The following CYP26A1 variants were observed in gnomAD, a reference collection of about 807,000 sequenced individuals.
The protein encoded by CYP26A1 is cytochrome P450 family 26 subfamily A member 1.
Under a neutral mutation model 47.4 loss-of-function variants are expected in CYP26A1, and 46 were observed. The ratio of observed to expected loss-of-function variants is 0.97; its 90% confidence interval spans 0.77 to 1.24. The LOEUF (loss-of-function observed/expected upper bound fraction) is 1.24, where lower values mean the gene tolerates loss of function less well. CYP26A1 is among the 50% of genes most tolerant of loss of function. The pLI is 0.00. For synonymous variants in CYP26A1, 277 were observed against 263.7 expected, an observed-to-expected ratio of 1.05 and a Z score of -0.49; for missense variants, 680 against 644.4, an observed-to-expected ratio of 1.06 and a Z score of -0.60.
Position 93,073,929 on chromosome 10 carries a change from C to T in CYP26A1, c.-6C>T, listed in dbSNP as rs765424114. 2.2e-6 allele frequency: 2 copies of T among 925,560 alleles called. No individual in the cohort carries two copies. The highest frequency in any genetic ancestry group is 1.3e-5 in the South Asian group (1 of 74,630). The allele number at this position is 925,560 out of a possible 1,614,324, so 57.3% of individuals were successfully genotyped here. ...CGGCAGGTGGCGCGGGAGGTCGCGGCGCGCCATGGGGCTCCCGGCGCTGCT... is the reference window on the plus strand; with the variant it reads ...CGGCAGGTGGCGCGGGAGGTCGCGGTGCGCCATGGGGCTCCCGGCGCTGCT... On this transcript the variant is annotated 5_prime_UTR_variant, in exon 1 of 7. Coordinates refer to ENST00000224356, the MANE Select transcript of CYP26A1 (RefSeq NM_000783.4).
rs774249618 is a variant in CYP26A1, at chr10:93,074,262, C to T, written c.190-46C>T. 4.6e-6 allele frequency: 7 copies of T among 1,511,240 alleles called. No individual in the cohort carries two copies. Among genetic ancestry groups the T allele is most frequent in the Middle Eastern group, 2.1e-4 (1 of 4,674 alleles). The allele number at this position is 1,511,240 out of a possible 1,614,324, so 93.6% of individuals were successfully genotyped here. The stretch of plus-strand genomic sequence containing the variant: ...GGGCTGGCGGGAGCGCGGCGCTCCC[C>T]GGCGCCCCCTCATGCCCACTTCTCT... On this transcript the variant is annotated intron_variant, in intron 1 of 6. Transcript: ENST00000224356. This position sits in a 1 kb window ranked among gnomAD's most constrained non-coding sequence, Gnocchi z 5.3.
rs749535473 is a variant in CYP26A1 at position 93,075,205 on chromosome 10, G to T, written c.762G>T (p.Lys254Asn). 4 of 1,613,954 alleles carry T rather than the reference G, an allele frequency of 2.5e-6. No homozygotes were observed. In the South Asian group the frequency reaches 3.3e-5, roughly 13 times the overall value. ...GCATCGAGCAGAACATTCGCGCCAA[G>T]ATCTGCGGGCTGCGGGCATCCGAGG... is the stretch of plus-strand genomic sequence containing the variant. Reference protein sequence around the residue: ...HARIEQNIRAKICGLRASEAG... With the variant: ...HARIEQNIRANICGLRASEAG... The change falls in exon 4 of 7, where the codon AAG (lysine) becomes AAT (asparagine). Residue 254 changes from lysine (K) to asparagine (N), a missense_variant. Lys to Asn is a moderately conservative substitution (Grantham distance 94). Transcript: ENST00000224356.
At position 93,076,540 on chromosome 10, in the gene CYP26A1, A is replaced by G. The variant is rs368959354; in HGVS notation, c.1000-4A>G. 9 of 1,599,548 alleles carry G rather than the reference A, an allele frequency of 5.6e-6. No individual in the cohort carries two copies. The African/African-American group carries it at 9.4e-5, about 17-fold the overall frequency. ...TGTTCACCTCTGTATGACTGTTTTG[A>G]TAGGGTTTACTTTGCAAGAGCAATC... On this transcript the variant is annotated splice_region_variant and splice_polypyrimidine_tract_variant and intron_variant, in intron 5 of 6. Transcript: ENST00000224356.
At position 93,075,306 on chromosome 10, in the gene CYP26A1, A is replaced by G. The variant is rs1221238657; in HGVS notation, c.863A>G (p.Gln288Arg). 1.2e-6 allele frequency: 2 copies of G among 1,613,312 alleles called. No homozygotes were observed. The highest frequency in any genetic ancestry group is 1.7e-6 in the Non-Finnish European group (2 of 1,179,492). ...GAGAGGGGAGAGCGGCTGGACATGC[A>G]GGTGAGTAGCAGCTTCAGACCAGGC... ...SWERGERLDM[Q>R]ALKQSSTELL... Residue 288 changes from glutamine to arginine, a missense_variant and splice_region_variant, in exon 4 of 7, where the codon CAG (glutamine) becomes CGG (arginine). Coordinates refer to ENST00000224356, the MANE Select transcript of CYP26A1 (RefSeq NM_000783.4).
At position 93,074,439 on chromosome 10, in the gene CYP26A1, G is replaced by A. The variant is rs966627003; in HGVS notation, c.321G>A (p.Leu107=). 2 of 1,611,252 alleles carry A rather than the reference G, an allele frequency of 1.2e-6. No homozygotes were observed. The highest frequency in any genetic ancestry group is 1.7e-6 in the Non-Finnish European group (2 of 1,178,290). The stretch of plus-strand genomic sequence containing the variant: ...GCATCTTGCTCGGAGAGCACCGGCT[G>A]GTGTCGGTCCACTGGCCAGCGTCGG... ...VRRILLGEHR[L]VSVHWPASVR... The change falls in exon 2 of 7, where the codon CTG becomes CTA. Residue 107 remains leucine (L), a synonymous_variant. Coordinates refer to ENST00000224356, the MANE Select transcript of CYP26A1 (RefSeq NM_000783.4). The surrounding 1 kb of genome is among the most constrained non-coding windows in gnomAD (Gnocchi z 5.3).
At chr10:93,073,759 G>T (rs1373979197), upstream of CYP26A1, 9 of 568,036 alleles carry the variant, frequency 1.6e-5, no homozygotes, top group African/African-American at 1.8e-4. Context: ...TTTGGGCAGC[G>T]CCTCGCGGGG....
Position 93,073,924 on chromosome 10 carries a change from C to A in CYP26A1, c.-11C>A, listed in dbSNP as rs768789678. 5 of 891,858 alleles carry A rather than the reference C, an allele frequency of 5.6e-6. No individual in the cohort carries two copies. The highest frequency in any genetic ancestry group is 9.1e-6 in the Non-Finnish European group (5 of 547,786). 55.2% of individuals were successfully genotyped at this position (891,858 alleles called of 1,614,324 possible). A position where few individuals can be genotyped will look rare whatever the true frequency, so the allele number is the denominator to read the frequency against. On this transcript the variant is annotated 5_prime_UTR_variant, in exon 1 of 7. Coordinates refer to ENST00000224356, the MANE Select transcript of CYP26A1 (RefSeq NM_000783.4). ...GGCGGCGGCAGGTGGCGCGGGAGGT[C>A]GCGGCGCGCCATGGGGCTCCCGGCG...
In CYP26A1 at chr10:93,075,067, C is replaced by T. The variant is rs748429860; in HGVS notation, c.703C>T (p.Arg235Trp). Residue 235 changes from arginine to tryptophan, a missense_variant and splice_region_variant, in exon 3 of 7, where the codon CGG becomes TGG. Physicochemically the swap from Arg to Trp is moderately radical, Grantham distance 101 (BLOSUM62 -3). Transcript: ENST00000224356. ...CGACGTGCCCTTCAGCGGGCTGTAC[C>T]GGGTAAGGGCGGCAAACGGGCTGCG... ...PIDVPFSGLYRGMKARNLIHA... is the reference protein window; with the variant it reads ...PIDVPFSGLYWGMKARNLIHA... 2 of 1,611,702 alleles carry T rather than the reference C, an allele frequency of 1.2e-6. No homozygotes were observed. The highest frequency in any genetic ancestry group is 2.2e-5 in the East Asian group (1 of 44,864).
chr10:93,077,534 C>T lies in CYP26A1; in HGVS notation c.*230C>T, dbSNP rs1490917583. ...TTTAAGATTCCTGTTGGGTAAAACT[C>T]ACCAGTTTAGTATTTTCTTAGTGTA... On this transcript the variant is annotated 3_prime_UTR_variant, in exon 7 of 7. Transcript: ENST00000224356. The T allele has an allele frequency of 3.3e-6, 1 of 301,676 alleles. No homozygotes were observed. Among genetic ancestry groups the T allele is most frequent in the African/African-American group, 2.2e-5 (1 of 46,490 alleles). 18.7% of individuals were successfully genotyped at this position (301,676 alleles called of 1,614,324 possible).
chr10:93,074,415 C>T lies in CYP26A1; in HGVS notation c.297C>T (p.Arg99=). The T allele has an allele frequency of 6.2e-7, 1 of 1,611,888 alleles. No individual in the cohort carries two copies. The highest frequency in any genetic ancestry group is 1.7e-4 in the Middle Eastern group (1 of 6,058). The change falls in exon 2 of 7, where the codon CGC becomes CGT. Residue 99 remains arginine (R), a synonymous_variant. Transcript: ENST00000224356. The surrounding 1 kb of genome is among the most constrained non-coding windows in gnomAD (Gnocchi z 5.3). ...TGATGGGCGCGGACAATGTGCGGCG[C>T]ATCTTGCTCGGAGAGCACCGGCTGG... The part of the protein sequence containing the change: ...VRVMGADNVR[R]ILLGEHRLVS...
rs1590142624 is a variant in CYP26A1, at chr10:93,074,249, G to A, written c.190-59G>A. 1.3e-6 allele frequency: 2 copies of A among 1,515,894 alleles called. No individual in the cohort carries two copies. The highest frequency in any genetic ancestry group is 1.1e-5 in the South Asian group (1 of 87,134). The allele number at this position is 1,515,894 out of a possible 1,614,324, so 93.9% of individuals were successfully genotyped here. A position where few individuals can be genotyped will look rare whatever the true frequency, so the allele number is the denominator to read the frequency against. On this transcript the variant is annotated intron_variant, in intron 1 of 6. Coordinates refer to ENST00000224356, the MANE Select transcript of CYP26A1 (RefSeq NM_000783.4). The surrounding 1 kb of genome is among the most constrained non-coding windows in gnomAD (Gnocchi z 5.3). ...GCGGCTAGGAGCAGGGCTGGCGGGA[G>A]CGCGGCGCTCCCCGGCGCCCCCTCA...
At chr10:93,075,440 T>A in intron 4 of CYP26A1, 133 bp downstream of exon 4, 1 of 798,384 alleles carries the variant, frequency 1.3e-6, no homozygotes, top group Non-Finnish European at 2.0e-6. Flanking sequence ...ACTACAGCTA[T>A]GGAATCCCGA....
Position 93,074,455 on chromosome 10 carries a change from C to A in CYP26A1, c.337C>A (p.Pro113Thr). 6.2e-7 allele frequency: 1 copy of A among 1,611,680 alleles called. No homozygotes were observed. The highest frequency in any genetic ancestry group is 8.5e-7 in the Non-Finnish European group (1 of 1,178,606). Reference sequence around the variant, plus strand: ...GCACCGGCTGGTGTCGGTCCACTGGCCAGCGTCGGTGCGCACCATTCTGGG... The same window carrying A: ...GCACCGGCTGGTGTCGGTCCACTGGACAGCGTCGGTGCGCACCATTCTGGG... ...GEHRLVSVHWPASVRTILGSG... is the reference protein window; with the variant it reads ...GEHRLVSVHWTASVRTILGSG... The change falls in exon 2 of 7, where the codon CCA (proline) becomes ACA (threonine). Residue 113 changes from proline to threonine, a missense_variant. Physicochemically the swap from Pro to Thr is conservative, Grantham distance 38. Transcript: ENST00000224356. The surrounding 1 kb of genome is among the most constrained non-coding windows in gnomAD (Gnocchi z 5.3).
In CYP26A1 at chr10:93,074,117, A is replaced by G; in HGVS notation, c.183A>G (p.Val61=). 1 of 649,742 alleles carries G rather than the reference A, an allele frequency of 1.5e-6. No homozygotes were observed. The highest frequency in any genetic ancestry group is 5.7e-5 in the East Asian group (1 of 17,556). 40.2% of individuals were successfully genotyped at this position (649,742 alleles called of 1,614,324 possible). A position where few individuals can be genotyped will look rare whatever the true frequency, so the allele number is the denominator to read the frequency against. ...TCTTTGGGGAAACCTTGCAGATGGTACTGCAGGTAAGGGAGGGTGGGGCGG... is the reference window on the plus strand; with the variant it reads ...TCTTTGGGGAAACCTTGCAGATGGTGCTGCAGGTAAGGGAGGGTGGGGCGG... ...FPFFGETLQM[V]LQRRKFLQMK... Residue 61 remains valine, a synonymous_variant, in exon 1 of 7, where the codon GTA becomes GTG. Transcript: ENST00000224356. This position sits in a 1 kb window ranked among gnomAD's most constrained non-coding sequence, Gnocchi z 5.3.
rs757303454 is a variant in CYP26A1 at position 93,074,424 on chromosome 10, C to T, written c.306C>T (p.Leu102=). The T allele has an allele frequency of 2.0e-5, 32 of 1,611,784 alleles. No homozygotes were observed. The highest frequency in any genetic ancestry group is 1.2e-4 in the African/African-American group (9 of 74,902). Residue 102 remains leucine, a synonymous_variant, in exon 2 of 7, where the codon CTC becomes CTT. Coordinates refer to ENST00000224356, the MANE Select transcript of CYP26A1 (RefSeq NM_000783.4). This position sits in a 1 kb window ranked among gnomAD's most constrained non-coding sequence, Gnocchi z 5.3. ...CGGACAATGTGCGGCGCATCTTGCT[C>T]GGAGAGCACCGGCTGGTGTCGGTCC... ...MGADNVRRIL[L]GEHRLVSVHW... is the part of the protein sequence containing the mutation.
At position 93,077,139 on chromosome 10, in the gene CYP26A1, A is replaced by G. The variant is rs144194304; in HGVS notation, c.1329A>G (p.Val443=). 15 of 1,614,092 alleles carry G rather than the reference A, an allele frequency of 9.3e-6. No individual in the cohort carries two copies. In the African/African-American group the frequency reaches 2.0e-4, roughly 22 times the overall value. Residue 443 remains valine, a synonymous_variant, in exon 7 of 7, where the codon GTA becomes GTG. Transcript: ENST00000224356. ...IPFGGGLRSC[V]GKEFAKILLK... ...TTGGAGGAGGCCTTAGGAGCTGTGT[A>G]GGCAAAGAATTTGCAAAAATTCTTC...
At chr10:93,076,853 C>A in intron 6 of CYP26A1, 110 bp from the exon 7 acceptor site, 1 of 929,890 alleles carries the variant, frequency 1.1e-6, no homozygotes. Flanking sequence ...CTTTCTACCT[C>A]TCCCTTGCTT....
At chr10:93,073,765 C>A (rs1846927383), upstream of CYP26A1, 8 of 568,302 alleles carry the variant, frequency 1.4e-5, no homozygotes, top group South Asian at 1.7e-4. Context: ...CAGCGCCTCG[C>A]GGGGGGAGGA....
intron 6 of CYP26A1, 95 bp from the exon 7 acceptor site, chr10:93,076,868 C>A: frequency 2.0e-6 from 2 of 1,013,076 alleles, no homozygotes; most frequent in Non-Finnish European, 2.9e-6. Context: ...TTGCTTTTAG[C>A]TCATAATTTC....
Sources: gnomAD v4.1 joint callset for allele counts on GRCh38, gnomAD v4.1.1 for gene constraint, Gnocchi (gnomAD v3.1) non-coding constraint, MANE v1.5 for transcripts, NCBI Gene and HGNC (gene_info 2026-07-23, HGNC 2026-07-21) for gene names.